Variants in PGBD1 observed in about 807,000 individuals in gnomAD.
PGBD1 encodes the protein piggyBac transposable element derived 1.
Under a neutral mutation model 34.7 loss-of-function variants are expected in PGBD1, and 25 were observed. The ratio of observed to expected loss-of-function variants is 0.72; its 90% confidence interval spans 0.52 to 1.00. PGBD1 has a LOEUF of 1.00. Ranked by LOEUF, PGBD1 falls within the 50% of genes least tolerant of loss-of-function variation. The probability of loss-of-function intolerance (pLI) is 0.00; values close to 1 mark genes in which losing one functional copy is unlikely to be tolerated. For missense variants in PGBD1, 830 were observed against 959.4 expected (o/e 0.87, Z 1.78); for synonymous variants, 292 against 335.7 (o/e 0.87, Z 1.42).
intron 3 of PGBD1, among the ~76,000 whole-genome samples, chr6:28,286,007 T>C (rs1378079609): frequency 6.6e-6 from 1 of 152,236 alleles, no homozygotes; most frequent in Non-Finnish European, 1.5e-5. Flanking sequence ...GTTTTATTTT[T>C]TTGTCTAACC....
intron 4 of PGBD1, among the ~76,000 whole-genome samples, chr6:28,291,420 A>G (rs1034840885): frequency 2.0e-5 from 3 of 152,034 alleles, no homozygotes; most frequent in Non-Finnish European, 4.4e-5. Context: ...CAGCAAACCA[A>G]TAACAAGTAA....
intron 4 of PGBD1, 113 bp downstream of exon 4, chr6:28,287,281 G>C: frequency 1.1e-6 from 1 of 877,266 alleles, no homozygotes; most frequent in Non-Finnish European, 1.9e-6. Flanking sequence ...CATTCAGGTG[G>C]CATAGTCCCT....
intron 4 of PGBD1, among the ~76,000 whole-genome samples, chr6:28,296,491 G>A (rs1482315526): frequency 6.6e-6 from 1 of 152,094 alleles, no homozygotes; most frequent in Non-Finnish European, 1.5e-5. Context: ...GGTTTCCTAT[G>A]TTTCAGTGTA....
In PGBD1 at chr6:28,301,521, A is replaced by T; in HGVS notation, c.1667A>T (p.Asp556Val). 1 of 1,614,132 alleles carries T rather than the reference A, an allele frequency of 6.2e-7. No homozygotes were observed. Among genetic ancestry groups the T allele is most frequent in the Non-Finnish European group, 8.5e-7 (1 of 1,180,012 alleles). The change falls in exon 7 of 7, where the codon GAC becomes GTC. Residue 556 changes from aspartate (D) to valine (V), a missense_variant. Coordinates refer to ENST00000682144, the MANE Select transcript of PGBD1 (RefSeq NM_032507.4). ...DKSMCECFDS[D>V]QFLNGKPIRI... ...TCAATGTGTGAATGCTTTGATAGTG[A>T]CCAATTCCTGAATGGAAAGCCTATT...
chr6:28,282,957 A>T (rs1312523099), intron 1 of PGBD1, among the ~76,000 whole-genome samples: 1 of 152,232 alleles, frequency 6.6e-6, no homozygotes, highest in Non-Finnish European at 1.5e-5. Context: ...TCAAAAATAA[A>T]ACTCTAAACT....
In PGBD1 at chr6:28,300,974, C is replaced by T. The variant is rs1239609173; in HGVS notation, c.1120C>T (p.Gln374Ter). 30 of 1,614,028 alleles carry T rather than the reference C, an allele frequency of 1.9e-5. No individual in the cohort carries two copies. The highest frequency in any genetic ancestry group is 2.5e-5 in the Non-Finnish European group (30 of 1,180,038). The change falls in exon 7 of 7, where the codon CAG (glutamine) becomes TAG (stop). Residue 374 changes from glutamine to a stop codon, truncating the protein, a stop_gained. Coordinates refer to ENST00000682144, the MANE Select transcript of PGBD1 (RefSeq NM_032507.4). LOFTEE classifies it low-confidence loss of function (END_TRUNC). This position sits in a 1 kb window ranked among gnomAD's most constrained non-coding sequence, Gnocchi z 4.0. ...DVEKDNEPEI[Q>*]PAQKKLKVSC... is the part of the protein sequence containing the mutation. Reference sequence around the variant, plus strand: ...GGAAAAAGATAATGAGCCTGAGATCCAGCCTGCTCAAAAGAAGTTAAAGGT... The same window carrying T: ...GGAAAAAGATAATGAGCCTGAGATCTAGCCTGCTCAAAAGAAGTTAAAGGT...
intron 4 of PGBD1, among the ~76,000 whole-genome samples, chr6:28,289,459 A>G (rs1762382485): frequency 1.3e-5 from 2 of 152,280 alleles, no homozygotes; most frequent in African/African-American, 4.8e-5. Context: ...CTAAAAGGAA[A>G]GAAGACTAAT....
intron 4 of PGBD1, among the ~76,000 whole-genome samples, chr6:28,288,755 T>C (rs1046352281): frequency 6.6e-6 from 1 of 151,928 alleles, no homozygotes; most frequent in Non-Finnish European, 1.5e-5. Context: ...TTTGGGAGGC[T>C]GAGGTGGGTG....
chr6:28,285,548 CAG>C lies in PGBD1; in HGVS notation c.397-2_397-1del. On this transcript the variant is annotated splice_acceptor_variant, in intron 2 of 6. Coordinates refer to ENST00000682144, the MANE Select transcript of PGBD1 (RefSeq NM_032507.4). LOFTEE classifies it high-confidence loss of function. ...CCTTTCAAAATAAATCTTTTGTTTCCAGGCCTCTGTCTATATTCAGGGACAGG... is the reference window on the plus strand; with the variant it reads ...CCTTTCAAAATAAATCTTTTGTTTCCGCCTCTGTCTATATTCAGGGACAGG... 1 of 1,613,056 alleles carries C rather than the reference CAG, an allele frequency of 6.2e-7. No individual in the cohort carries two copies.
Position 28,285,812 on chromosome 6 carries a change from A to G in PGBD1, c.553+105A>G, listed in dbSNP as rs1762271311. The G allele has an allele frequency of 5.8e-6, 7 of 1,206,032 alleles. No homozygotes were observed. In the East Asian group the frequency reaches 1.0e-4, roughly 17 times the overall value. The allele number at this position is 1,206,032 out of a possible 1,614,324, so 74.7% of individuals were successfully genotyped here. On this transcript the variant is annotated intron_variant, in intron 3 of 6. Coordinates refer to ENST00000682144, the MANE Select transcript of PGBD1 (RefSeq NM_032507.4). ...TATACATTGTGAAATGATTACCACA[A>G]GCTAACTTACATATCTCACAGTTAC...
rs201136697 is a variant in PGBD1, at chr6:28,285,678, G to A, written c.524G>A (p.Arg175His). 1.5e-5 allele frequency: 24 copies of A among 1,613,772 alleles called. No individual in the cohort carries two copies. The highest frequency in any genetic ancestry group is 1.1e-5 in the South Asian group (1 of 91,078). The change falls in exon 3 of 7, where the codon CGT becomes CAT. Residue 175 changes from arginine to histidine, a missense_variant. Around this residue, in one of 3 missense-constraint regions of PGBD1, gnomAD observed 457 missense variants for 515.4 expected, o/e 0.89. Coordinates refer to ENST00000682144, the MANE Select transcript of PGBD1 (RefSeq NM_032507.4). ...ITTLKCEPPQ[R>H]PQGNPQEVSG... ...ACCCTGAAGTGTGAACCTCCACAGC[G>A]TCCTCAAGGGAACCCCCAAGAAGTG...
chr6:28,286,445 G>C (rs1171139605), intron 3 of PGBD1, among the ~76,000 whole-genome samples: 2 of 152,150 alleles, frequency 1.3e-5, no homozygotes, highest in Non-Finnish European at 2.9e-5. Context: ...ATGTGCCTAG[G>C]ATTTTGGAGG....
chr6:28,297,079 A>G (rs1398596836), intron 5 of PGBD1, 134 bp downstream of exon 5: 1 of 952,262 alleles, frequency 1.1e-6, no homozygotes, highest in Non-Finnish European at 1.5e-6. Context: ...CTCTGCCTCC[A>G]GACTTCTAGC....
chr6:28,283,512 G>A (rs1442899475), intron 1 of PGBD1, among the ~76,000 whole-genome samples: 1 of 152,198 alleles, frequency 6.6e-6, no homozygotes, highest in Non-Finnish European at 1.5e-5. Flanking sequence ...CCCAGCTGAA[G>A]TGCAAGCTAC....
chr6:28,286,498 A>G lies in PGBD1; in HGVS notation c.554-582A>G, dbSNP rs1032146653. The stretch of plus-strand genomic sequence containing the variant: ...TTGATTATTTTGAGGATTGGAAATA[A>G]TCTTTTAAAGTAACAGCACAGTGGC... On this transcript the variant is annotated intron_variant, in intron 3 of 6. Transcript: ENST00000682144. Among the ~76,000 whole-genome samples, 11 of 152,234 alleles carry G rather than the reference A, an allele frequency of 7.2e-5. No homozygotes were observed. The South Asian group carries it at 8.3e-4, about 11-fold the overall frequency.
rs750150057 is a variant in PGBD1, at chr6:28,284,233, A to C, written c.396+24A>C. The C allele has an allele frequency of 2.7e-6, 4 of 1,469,104 alleles. No homozygotes were observed. The African/African-American group carries it at 4.2e-5, about 16-fold the overall frequency. 91.0% of individuals were successfully genotyped at this position (1,469,104 alleles called of 1,614,324 possible). On this transcript the variant is annotated intron_variant, in intron 2 of 6. Coordinates refer to ENST00000682144, the MANE Select transcript of PGBD1 (RefSeq NM_032507.4). ...AGGTGGGAAGAGAATGTGTGTGGTG[A>C]TGTGGGAGAAGAAAAGGGGGACATG...
intron 2 of PGBD1, among the ~76,000 whole-genome samples, chr6:28,284,461 C>CA (rs1762227999): frequency 6.6e-6 from 1 of 151,918 alleles, no homozygotes; most frequent in Non-Finnish European, 1.5e-5. Flanking sequence ...TATACACACA[C>CA]ATACATACAC....
intron 4 of PGBD1, 26 bp from the exon 5 acceptor site, chr6:28,296,790 G>C: frequency 6.2e-7 from 1 of 1,613,140 alleles, no homozygotes. Context: ...AAACAAAGAG[G>C]CTATTTTCTT....
chr6:28,302,046 T>C lies in PGBD1; in HGVS notation c.2192T>C (p.Val731Ala), dbSNP rs1373971428. 1.2e-6 allele frequency: 2 copies of C among 1,614,108 alleles called. No homozygotes were observed. The highest frequency in any genetic ancestry group is 1.7e-5 in the Admixed American group (1 of 60,022). The change falls in exon 7 of 7, where the codon GTG becomes GCG. Residue 731 changes from valine (V) to alanine (A), a missense_variant. Around this residue, in one of 3 missense-constraint regions of PGBD1, gnomAD observed 372 missense variants for 427.9 expected, o/e 0.87. Coordinates refer to ENST00000682144, the MANE Select transcript of PGBD1 (RefSeq NM_032507.4). ...ATAAGTCAACCATCCATAGTAAAAG[T>C]GTATGATGAATGCAAGGAAGGTGTA... ...PQISQPSIVK[V>A]YDECKEGVAK...
Sources: allele counts gnomAD v4.1 joint callset (sites outside exome capture counted in the v4.1 genomes callset), GRCh38; gene constraint gnomAD v4.1.1; regional missense constraint gnomAD v4.1.1; non-coding constraint Gnocchi (gnomAD v3.1); transcripts MANE v1.5; gene names NCBI Gene and HGNC (gene_info 2026-07-23, HGNC 2026-07-21).